PLCH2: variants seen among roughly 807,000 people sequenced by gnomAD.
PLCH2 encodes the protein 1-phosphatidylinositol 4,5-bisphosphate phosphodiesterase eta-2.
A neutral mutation model predicts 134.7 loss-of-function variants in PLCH2; 98 were observed. The ratio of observed to expected loss-of-function variants is 0.73; its 90% CI spans 0.62 to 0.86. PLCH2 has a LOEUF of 0.86. Ranked by LOEUF, PLCH2 falls within the 40% of genes least tolerant of loss-of-function variation. The pLI, the probability that PLCH2 is intolerant of heterozygous loss-of-function variation, is 0.00. For missense variants in PLCH2, 1,994 were observed against 1,986.6 expected, an observed-to-expected ratio of 1.00 and a Z score of -0.07; for synonymous variants, 974 against 827.5, an observed-to-expected ratio of 1.18 and a Z score of -3.04.
intron 2 of PLCH2, among the ~76,000 whole-genome samples, chr1:2,437,108 T>C (rs1056523851): frequency 2.6e-4 from 39 of 152,160 alleles, no homozygotes; most frequent in Admixed American, 3.3e-4. Flanking sequence ...ATGGGTCAGG[T>C]GCTCAGTGTT....
chr1:2,418,608 A>T, the PLCH2 span, among the ~76,000 whole-genome samples: 4 of 152,166 alleles, frequency 2.6e-5, no homozygotes, highest in African/African-American at 9.6e-5. Context: ...GATGGACAAT[A>T]AGGGCTCCCC....
Position 2,480,237 on chromosome 1 carries a change from C to G in PLCH2, c.570C>G (p.Ser190Arg). ...ACAAGAACGGGGATGGCAGCCTGAGCATTGGCGAGGTCCTGCAGCTGCTGC... is the reference window on the plus strand; with the variant it reads ...ACAAGAACGGGGATGGCAGCCTGAGGATTGGCGAGGTCCTGCAGCTGCTGC... ...EADKNGDGSL[S>R]IGEVLQLLHK... The change falls in exon 4 of 22, where the codon AGC (serine) becomes AGG (arginine). Residue 190 changes from serine (S) to arginine (R), a missense_variant. This residue lies in a region of PLCH2 where 1,094 missense variants were observed against 1,234.3 expected (regional missense o/e 0.89). Transcript: ENST00000378486. The G allele has an allele frequency of 6.2e-7, 1 of 1,612,818 alleles. No individual in the cohort carries two copies. Among genetic ancestry groups the G allele is most frequent in the Non-Finnish European group, 8.5e-7 (1 of 1,179,840 alleles).
intron 2 of PLCH2, among the ~76,000 whole-genome samples, chr1:2,438,897 A>T (rs1167915169): frequency 6.6e-6 from 1 of 152,086 alleles, no homozygotes; most frequent in African/African-American, 2.4e-5. Context: ...GGGGCAATTC[A>T]CGGCAGCATT....
chr1:2,487,623 G>T lies in PLCH2; in HGVS notation c.1140G>T (p.Gly380=). 6.2e-7 allele frequency: 1 copy of T among 1,613,234 alleles called. No homozygotes were observed. The highest frequency in any genetic ancestry group is 1.3e-5 in the African/African-American group (1 of 75,064). ...VEVDCWDGPD[G]EPIVHHGYTL... ...TGGACTGCTGGGATGGGCCCGACGGGGAGCCCATTGTGCACCATGGCTACA... is the reference window on the plus strand; with the variant it reads ...TGGACTGCTGGGATGGGCCCGACGGTGAGCCCATTGTGCACCATGGCTACA... Residue 380 remains glycine (G), a synonymous_variant, in exon 8 of 22, where the codon GGG becomes GGT. Coordinates refer to ENST00000378486, the MANE Select transcript of PLCH2 (RefSeq NM_014638.4).
chr1:2,487,843 C>G, intron 8 of PLCH2, 125 bp downstream of exon 8: 1 of 929,694 alleles, frequency 1.1e-6, no homozygotes. Context: ...GACCAGGGGG[C>G]TGGTTTCATT....
chr1:2,435,720 G>A (rs1012544574), intron 2 of PLCH2, among the ~76,000 whole-genome samples: 2 of 152,044 alleles, frequency 1.3e-5, no homozygotes, highest in African/African-American at 4.8e-5. Context: ...GATGGCTGTG[G>A]AGTACAGCCA....
upstream of PLCH2, among the ~76,000 whole-genome samples, chr1:2,472,797 C>T (rs1450338286): frequency 2.0e-5 from 3 of 152,158 alleles, 1 homozygote; most frequent in Non-Finnish European, 1.5e-5. Context: ...GGTGGGGCCC[C>T]TGCCCGTCCC....
intron 2 of PLCH2, among the ~76,000 whole-genome samples, chr1:2,431,823 G>C (rs1472514473): frequency 6.6e-6 from 1 of 152,146 alleles, no homozygotes; most frequent in South Asian, 2.1e-4. Flanking sequence ...GGGCAGTCTT[G>C]TGCTGGGTGC....
At chr1:2,477,375 C>A (rs1440501177) in intron 1 of PLCH2, among the ~76,000 whole-genome samples, 1 of 152,216 alleles carries the variant, frequency 6.6e-6, no homozygotes, top group African/African-American at 2.4e-5. Flanking sequence ...GGCTTCCATC[C>A]CTTCAATTCC....
At position 2,502,333 on chromosome 1, in the gene PLCH2, C is replaced by T. The variant is rs369305962; in HGVS notation, c.2883C>T (p.Asp961=). 2.6e-4 allele frequency: 394 copies of T among 1,534,930 alleles called. 1 individual carries two copies. The highest frequency in any genetic ancestry group is 3.3e-4 in the Non-Finnish European group (379 of 1,141,534). ...TRDTGSKGVA[D]DVVPPGPGPA... ...ACACAGGCTCCAAGGGGGTGGCAGA[C>T]GATGTGGTGCCCCCCGGGCCCGGAC... The change falls in exon 21 of 22, where the codon GAC becomes GAT. Residue 961 remains aspartate (D), a synonymous_variant. Coordinates refer to ENST00000378486, the MANE Select transcript of PLCH2 (RefSeq NM_014638.4).
chr1:2,497,621 G>C lies in PLCH2; in HGVS notation c.2224+12G>C, dbSNP rs774180364. 2 of 1,524,688 alleles carry C rather than the reference G, an allele frequency of 1.3e-6. No individual in the cohort carries two copies. The allele number at this position is 1,524,688 out of a possible 1,614,324, so 94.4% of individuals were successfully genotyped here. A position where few individuals can be genotyped will look rare whatever the true frequency, so the allele number is the denominator to read the frequency against. On this transcript the variant is annotated intron_variant, in intron 16 of 21. Coordinates refer to ENST00000378486, the MANE Select transcript of PLCH2 (RefSeq NM_014638.4). Reference sequence around the variant, plus strand: ...GTGCATGTGCCAGGGTGAGGCACTCGGACACTCAGGGCTCGGACGCTCAGG... The same window carrying C: ...GTGCATGTGCCAGGGTGAGGCACTCCGACACTCAGGGCTCGGACGCTCAGG...
At chr1:2,502,731 G>A in intron 21 of PLCH2, 1 of 715,978 alleles carries the variant, frequency 1.4e-6, no homozygotes, top group Non-Finnish European at 2.6e-6. Context: ...CAGGGTCCAG[G>A]CGGTAGCGGC....
upstream of PLCH2, among the ~76,000 whole-genome samples, chr1:2,424,854 C>T (rs554758950): frequency 3.9e-4 from 59 of 152,080 alleles, no homozygotes; most frequent in Non-Finnish European, 5.9e-4. Flanking sequence ...GGCATGGTGG[C>T]GGGCGCCTGT....
upstream of PLCH2, among the ~76,000 whole-genome samples, chr1:2,424,919 A>G (rs1638704491): frequency 6.6e-6 from 1 of 151,998 alleles, no homozygotes; most frequent in Non-Finnish European, 1.5e-5. Flanking sequence ...CCGGGAGGCG[A>G]AGGTTGCAGT....
At chr1:2,503,107 C>T (rs1643330544) in intron 21 of PLCH2, 1 of 688,782 alleles carries the variant, frequency 1.5e-6, no homozygotes, top group Non-Finnish European at 2.7e-6. Context: ...CCTGTCTGAG[C>T]TTGAGGCCCT....
chr1:2,433,582 G>A (rs1343633317), intron 2 of PLCH2, among the ~76,000 whole-genome samples: 1 of 152,212 alleles, frequency 6.6e-6, no homozygotes, highest in Non-Finnish European at 1.5e-5. Context: ...GCCTCCCCGG[G>A]GGCTTTCTGA....
intron 2 of PLCH2, among the ~76,000 whole-genome samples, chr1:2,447,902 C>T (rs1332658625): frequency 6.6e-6 from 1 of 152,206 alleles, no homozygotes; most frequent in East Asian, 1.9e-4. Flanking sequence ...TTCCGTCCCT[C>T]CCTGGCTGCG....
At chr1:2,451,634 G>T (rs114535771) in intron 2 of PLCH2, among the ~76,000 whole-genome samples, 2,337 of 152,304 alleles carry the variant, frequency 0.015, 58 homozygotes, top group African/African-American at 0.053. Flanking sequence ...GGCTCTCGGG[G>T]GCTCTGACCC....
chr1:2,432,261 G>A (rs530036425), intron 2 of PLCH2, among the ~76,000 whole-genome samples: 1 of 152,346 alleles, frequency 6.6e-6, no homozygotes, highest in East Asian at 1.9e-4. Flanking sequence ...GGTGGGCAGT[G>A]ATGGGGATGG....
Sources: allele counts gnomAD v4.1 joint callset (sites outside exome capture counted in the v4.1 genomes callset), GRCh38; gene constraint gnomAD v4.1.1; regional missense constraint gnomAD v4.1.1; transcripts MANE v1.5; gene names NCBI Gene and HGNC (gene_info 2026-07-23, HGNC 2026-07-21).